Variants in UVRAG observed in about 807,000 individuals in gnomAD.
The protein encoded by UVRAG is UV radiation resistance-associated gene protein.
In UVRAG, 19 loss-of-function variants were observed where a neutral mutation model predicts 78.0. The observed-to-expected ratio is 0.24, with a 90% CI of 0.17 to 0.36. UVRAG has a LOEUF of 0.36. Among genes scored for constraint, UVRAG ranks in the 10% least tolerant of loss-of-function variants. The pLI, the probability that UVRAG is intolerant of heterozygous loss-of-function variation, is 1.00. For synonymous variants in UVRAG, 323 were observed against 324.6 expected (o/e 1.00, Z 0.05); for missense variants, 740 against 853.8 (o/e 0.87, Z 1.66).
intron 8 of UVRAG, among the ~76,000 whole-genome samples, chr11:75,988,921 G>A (rs547830909): frequency 5.3e-5 from 8 of 152,214 alleles, no homozygotes; most frequent in African/African-American, 1.9e-4. Flanking sequence ...GAAGGGGGAT[G>A]GATGGTAACG....
rs528765655 is a variant in UVRAG at position 75,971,158 on chromosome 11, A to G, written c.699+9609A>G. On this transcript the variant is annotated intron_variant, in intron 7 of 14. Coordinates refer to ENST00000356136, the MANE Select transcript of UVRAG (RefSeq NM_003369.4). The stretch of plus-strand genomic sequence containing the variant: ...TTTCATTTAGCAATATGCATGTACA[A>G]TTTCTCTTTTGATGGGTTGATAGCT... 5.9e-5 allele frequency among the ~76,000 whole-genome samples: 9 copies of G among 152,234 alleles called. No individual in the cohort carries two copies. The East Asian group carries it at 1.2e-3, about 20-fold the overall frequency.
At chr11:75,996,878 A>G (rs566853798) in intron 8 of UVRAG, among the ~76,000 whole-genome samples, 3 of 152,336 alleles carry the variant, frequency 2.0e-5, no homozygotes, top group African/African-American at 7.2e-5. Context: ...AAGAACTAAT[A>G]TTAGCTCTGA....
At chr11:76,097,122 G>T (rs1249135668) in intron 13 of UVRAG, among the ~76,000 whole-genome samples, 1 of 152,088 alleles carries the variant, frequency 6.6e-6, no homozygotes, top group Non-Finnish European at 1.5e-5. Context: ...CCAGAACATT[G>T]CGTTTCCCTC....
At chr11:76,056,618 T>A (rs973158561) in intron 12 of UVRAG, among the ~76,000 whole-genome samples, 1 of 152,192 alleles carries the variant, frequency 6.6e-6, no homozygotes, top group Non-Finnish European at 1.5e-5. Context: ...CATTTTGAAT[T>A]TTGCTGATGG....
Position 75,851,912 on chromosome 11 carries a change from T to C in UVRAG, c.147T>C (p.Ala49=), listed in dbSNP as rs368488240. 6.4e-5 allele frequency: 104 copies of C among 1,613,780 alleles called. No individual in the cohort carries two copies. The highest frequency in any genetic ancestry group is 8.7e-5 in the Non-Finnish European group (103 of 1,179,956). ...QRRLRHLRNI[A]ARNIVNRNGH... is the part of the protein sequence containing the mutation. ...GTCTTCGACATCTTCGGAACATTGC[T>C]GCCCGGAACATTGTTAATAGAAATG... The change falls in exon 2 of 15, where the codon GCT becomes GCC. Residue 49 remains alanine, a synonymous_variant. Coordinates refer to ENST00000356136, the MANE Select transcript of UVRAG (RefSeq NM_003369.4).
rs1951170206 is a variant in UVRAG at position 76,065,562 on chromosome 11, G to A, written c.1227-148G>A. 2.3e-5 allele frequency: 14 copies of A among 607,378 alleles called. No homozygotes were observed. In the South Asian group the frequency reaches 3.0e-4, roughly 13 times the overall value. 37.6% of individuals were successfully genotyped at this position (607,378 alleles called of 1,614,324 possible). A position where few individuals can be genotyped will look rare whatever the true frequency, so the allele number is the denominator to read the frequency against. On this transcript the variant is annotated intron_variant, in intron 12 of 14. Coordinates refer to ENST00000356136, the MANE Select transcript of UVRAG (RefSeq NM_003369.4). ...CTGACTTAATTAATATTATGAAGAT[G>A]TCAGTAGATTGCAATGACTATAGCT...
At position 76,011,532 on chromosome 11, in the gene UVRAG, C is replaced by G. The variant is rs1024423861; in HGVS notation, c.1060+2665C>G. On this transcript the variant is annotated intron_variant, in intron 11 of 14. Coordinates refer to ENST00000356136, the MANE Select transcript of UVRAG (RefSeq NM_003369.4). ...CTCAGCTACTTGGGAGGCTGAGGCA[C>G]GAGAATCACTTGAACCCAGAGGCAA... 3.3e-5 allele frequency among the ~76,000 whole-genome samples: 5 copies of G among 152,070 alleles called. 1 individual carries two copies. The highest frequency in any genetic ancestry group is 2.6e-4 in the Admixed American group (4 of 15,274).
intron 14 of UVRAG, among the ~76,000 whole-genome samples, chr11:76,122,633 A>T (rs1952305837): frequency 6.6e-6 from 1 of 152,220 alleles, no homozygotes; most frequent in South Asian, 2.1e-4. Context: ...TTACTTTGAC[A>T]TCTATAGTCA....
chr11:75,925,723 T>G (rs1442897197), intron 6 of UVRAG, among the ~76,000 whole-genome samples: 1 of 152,184 alleles, frequency 6.6e-6, no homozygotes, highest in Non-Finnish European at 1.5e-5. Context: ...TATTAAAAAT[T>G]TTCACTTAAA....
At chr11:76,088,189 G>C (rs1951627731) in intron 13 of UVRAG, among the ~76,000 whole-genome samples, 1 of 152,154 alleles carries the variant, frequency 6.6e-6, no homozygotes, top group South Asian at 2.1e-4. Context: ...CCCCATTTGT[G>C]AAAATTCATA....
In UVRAG at chr11:75,888,722, C is replaced by T. The variant is rs113277046; in HGVS notation, c.433-107C>T. On this transcript the variant is annotated intron_variant, in intron 4 of 14. Coordinates refer to ENST00000356136, the MANE Select transcript of UVRAG (RefSeq NM_003369.4). The stretch of plus-strand genomic sequence containing the variant: ...GCTAGTATGTTTAGATGTAGTCAGC[C>T]GGTTTCTCAGTATTGAAGTAGATCC... The T allele has an allele frequency of 4.7e-6, 4 of 843,936 alleles. 1 individual carries two copies. In the South Asian group the frequency reaches 5.9e-5, roughly 12 times the overall value. The allele number at this position is 843,936 out of a possible 1,614,324, so 52.3% of individuals were successfully genotyped here. A position where few individuals can be genotyped will look rare whatever the true frequency, so the allele number is the denominator to read the frequency against.
intron 1 of UVRAG, among the ~76,000 whole-genome samples, chr11:75,835,599 G>C (rs1416247820): frequency 1.3e-5 from 2 of 152,090 alleles, no homozygotes; most frequent in Admixed American, 6.5e-5. Context: ...CTCTAAAAAA[G>C]TGTAAAGTAC....
intron 12 of UVRAG, among the ~76,000 whole-genome samples, chr11:76,053,713 T>C (rs541304670): frequency 2.0e-5 from 3 of 152,194 alleles, no homozygotes; most frequent in Non-Finnish European, 4.4e-5. Flanking sequence ...GGCTCACACC[T>C]GTAATCCCAG....
intron 13 of UVRAG, among the ~76,000 whole-genome samples, chr11:76,099,900 G>A (rs1951849609): frequency 6.6e-6 from 1 of 151,848 alleles, no homozygotes; most frequent in Non-Finnish European, 1.5e-5. Flanking sequence ...ATGATCATTT[G>A]CCTCTTATTT....
chr11:75,901,466 G>A (rs1393034788), intron 5 of UVRAG, among the ~76,000 whole-genome samples: 1 of 152,162 alleles, frequency 6.6e-6, no homozygotes, highest in Non-Finnish European at 1.5e-5. Context: ...TTGCCTGGAT[G>A]TTTCAGAGAT....
chr11:76,015,613 T>C (rs1288171658), intron 11 of UVRAG, among the ~76,000 whole-genome samples: 1 of 152,084 alleles, frequency 6.6e-6, no homozygotes, highest in Non-Finnish European at 1.5e-5. Context: ...TAAAAAAATA[T>C]ATAAATAGTT....
chr11:75,889,368 T>C (rs550514218), intron 5 of UVRAG, among the ~76,000 whole-genome samples: 2 of 152,368 alleles, frequency 1.3e-5, no homozygotes, highest in Admixed American at 6.5e-5. Context: ...GTACCTACTA[T>C]CTATGGTACT....
intron 14 of UVRAG, among the ~76,000 whole-genome samples, chr11:76,128,702 G>A (rs1478442972): frequency 1.3e-5 from 2 of 152,100 alleles, no homozygotes; most frequent in African/African-American, 4.8e-5. Flanking sequence ...CTGCAACCTC[G>A]AACTCCTGGG....
intron 13 of UVRAG, among the ~76,000 whole-genome samples, chr11:76,071,336 G>A (rs983468781): frequency 3.9e-4 from 60 of 152,096 alleles, no homozygotes; most frequent in South Asian, 2.1e-4. Flanking sequence ...GAATAGCAAG[G>A]GCAAAGTCCC....
Sources: allele counts gnomAD v4.1 joint callset (sites outside exome capture counted in the v4.1 genomes callset), GRCh38; gene constraint gnomAD v4.1.1; transcripts MANE v1.5; gene names NCBI Gene and HGNC (gene_info 2026-07-23, HGNC 2026-07-21).